LRBA: variants seen among roughly 807,000 people sequenced by gnomAD.
The protein encoded by LRBA is LPS responsive beige-like anchor protein, also known as lipopolysaccharide-responsive and beige-like anchor protein.
In LRBA, 176 loss-of-function variants were observed where a neutral mutation model predicts 330.0. The ratio of observed to expected loss-of-function variants is 0.53; its 90% confidence interval spans 0.47 to 0.60. The LOEUF is 0.60. LRBA is among the 20% of genes least tolerant of loss of function. The pLI is 0.00. For missense variants in LRBA, 3,259 were observed against 3,444.8 expected (o/e 0.95, Z 1.35); for synonymous variants, 1,230 against 1,193.0 (o/e 1.03, Z -0.64).
At chr4:150,779,618 T>C (rs1737885773) in intron 34 of LRBA, among the ~76,000 whole-genome samples, 1 of 152,120 alleles carries the variant, frequency 6.6e-6, no homozygotes, top group South Asian at 2.1e-4. Context: ...GTCTAGACAC[T>C]TTTTAACTCG....
chr4:150,907,637 G>A (rs1716121054), intron 11 of LRBA, among the ~76,000 whole-genome samples: 1 of 151,992 alleles, frequency 6.6e-6, no homozygotes, highest in Non-Finnish European at 1.5e-5. Flanking sequence ...GAATGTAAAA[G>A]TATTTAAATT....
At chr4:150,645,055 C>G (rs1778999411) in intron 37 of LRBA, among the ~76,000 whole-genome samples, 1 of 150,192 alleles carries the variant, frequency 6.7e-6, no homozygotes, top group Middle Eastern at 3.2e-3. Context: ...GCATTTTTCT[C>G]AGAAATACAA....
At chr4:150,488,789 T>G (rs1295684615) in intron 41 of LRBA, among the ~76,000 whole-genome samples, 2 of 149,696 alleles carry the variant, frequency 1.3e-5, no homozygotes, top group Non-Finnish European at 3.0e-5. Context: ...TCCTATAGTT[T>G]TTAAAACACT....
intron 35 of LRBA, among the ~76,000 whole-genome samples, chr4:150,743,144 A>G (rs972205760): frequency 2.0e-5 from 3 of 151,964 alleles, no homozygotes; most frequent in Admixed American, 1.3e-4. Flanking sequence ...TAATTTTTGT[A>G]TTTTTAGTAG....
intron 36 of LRBA, among the ~76,000 whole-genome samples, chr4:150,728,667 C>CA (rs145196870): frequency 0.076 from 10,320 of 135,964 alleles, 962 homozygotes; most frequent in African/African-American, 0.23. Flanking sequence ...TAAAAACCCT[C>CA]AAAAAAAAAA....
chr4:150,688,281 T>C (rs1466188739), intron 36 of LRBA, among the ~76,000 whole-genome samples: 1 of 152,202 alleles, frequency 6.6e-6, no homozygotes, highest in Non-Finnish European at 1.5e-5. Context: ...ACCCCTTCCT[T>C]ACACCTTATA....
intron 40 of LRBA, among the ~76,000 whole-genome samples, chr4:150,501,977 G>C (rs1042816511): frequency 2.6e-5 from 4 of 152,192 alleles, no homozygotes; most frequent in Non-Finnish European, 5.9e-5. Context: ...TAGTTAGAAC[G>C]TAATGGTCTC....
intron 26 of LRBA, among the ~76,000 whole-genome samples, chr4:150,846,255 C>T (rs974724899): frequency 1.3e-5 from 2 of 151,458 alleles, no homozygotes; most frequent in Admixed American, 6.6e-5. Flanking sequence ...CTCAGGCCAG[C>T]GGTGGGGGCT....
At chr4:150,404,475 G>A (rs1004755534) in intron 47 of LRBA, among the ~76,000 whole-genome samples, 1 of 152,110 alleles carries the variant, frequency 6.6e-6, no homozygotes, top group African/African-American at 2.4e-5. Flanking sequence ...AAAGGAGTAG[G>A]GTAGGCTCAT....
At chr4:150,319,956 C>T (rs1732258393) in intron 50 of LRBA, among the ~76,000 whole-genome samples, 1 of 152,156 alleles carries the variant, frequency 6.6e-6, no homozygotes, top group Non-Finnish European at 1.5e-5. Flanking sequence ...GATTTAATGA[C>T]AATTTCATGA....
At position 150,874,612 on chromosome 4, in the gene LRBA, G is replaced by A. The variant is rs761488013; in HGVS notation, c.2166-1857C>T. ...TTGGTGACCTGGAACCAGTCTGCATGTGTCATTGCTGGGTGCTCCAGCCTG... is the reference window on the plus strand; with the variant it reads ...TTGGTGACCTGGAACCAGTCTGCATATGTCATTGCTGGGTGCTCCAGCCTG... On this transcript the variant is annotated intron_variant, in intron 17 of 56. Coordinates refer to ENST00000651943, the MANE Select transcript of LRBA (RefSeq NM_001364905.1). 8.3e-4 allele frequency among the ~76,000 whole-genome samples: 127 copies of A among 152,214 alleles called. 1 individual carries two copies. Among genetic ancestry groups the A allele is most frequent in the Non-Finnish European group, 2.9e-4 (20 of 68,034 alleles).
intron 56 of LRBA, among the ~76,000 whole-genome samples, chr4:150,275,078 A>G (rs1259180693): frequency 1.3e-5 from 2 of 152,200 alleles, no homozygotes; most frequent in Non-Finnish European, 2.9e-5. Flanking sequence ...AAGCTTATCC[A>G]CCATGATCAA....
intron 38 of LRBA, among the ~76,000 whole-genome samples, chr4:150,596,821 A>G (rs920436083): frequency 6.6e-6 from 1 of 151,564 alleles, no homozygotes; most frequent in African/African-American, 2.4e-5. Flanking sequence ...ATCGAACAAT[A>G]CCATAATACA....
At chr4:150,348,879 T>C (rs145066145) in intron 48 of LRBA, among the ~76,000 whole-genome samples, 4 of 152,304 alleles carry the variant, frequency 2.6e-5, no homozygotes, top group Non-Finnish European at 4.4e-5. Context: ...TGGAATCCTA[T>C]GTATATTCTG....
intron 55 of LRBA, 101 bp downstream of exon 55, chr4:150,282,349 C>CA: frequency 9.5e-7 from 1 of 1,056,596 alleles, no homozygotes; most frequent in Non-Finnish European, 1.4e-6. Flanking sequence ...AGGCCCTCGG[C>CA]AATCCAAAAA....
At chr4:150,462,229 T>C (rs1233054474) in intron 44 of LRBA, among the ~76,000 whole-genome samples, 1 of 151,840 alleles carries the variant, frequency 6.6e-6, no homozygotes, top group East Asian at 1.9e-4. Context: ...AGACTACTGA[T>C]GAAATAACTG....
intron 37 of LRBA, among the ~76,000 whole-genome samples, chr4:150,629,216 T>A (rs1777141310): frequency 6.6e-6 from 1 of 152,220 alleles, no homozygotes; most frequent in Non-Finnish European, 1.5e-5. Flanking sequence ...AATGTCAATG[T>A]AATGGGTTAA....
At chr4:150,445,526 T>A (rs1752519161) in intron 44 of LRBA, among the ~76,000 whole-genome samples, 1 of 151,762 alleles carries the variant, frequency 6.6e-6, no homozygotes, top group East Asian at 1.9e-4. Context: ...TTCAATGATT[T>A]GCATGTGAAG....
In LRBA at chr4:150,265,725, G is replaced by A. The variant is rs771592653; in HGVS notation, c.8556C>T (p.Tyr2852=). Residue 2852 remains tyrosine (Y), a synonymous_variant, in exon 57 of 57, where the codon TAC becomes TAT. Transcript: ENST00000651943. The part of the protein sequence containing the change: ...NRWHHEYQTR[Y] ...AGTTGATGTACAGCTGTCACCATCAGTAGCGGGTTTGGTATTCATGATGCC... is the reference window on the plus strand; with the variant it reads ...AGTTGATGTACAGCTGTCACCATCAATAGCGGGTTTGGTATTCATGATGCC... 1.2e-6 allele frequency: 2 copies of A among 1,606,176 alleles called. No homozygotes were observed. Among genetic ancestry groups the A allele is most frequent in the South Asian group, 1.1e-5 (1 of 90,910 alleles).
Sources: gnomAD v4.1 joint callset for allele counts (sites outside exome capture counted in the v4.1 genomes callset) on GRCh38, gnomAD v4.1.1 for gene constraint, MANE v1.5 for transcripts, NCBI Gene and HGNC (gene_info 2026-07-23, HGNC 2026-07-21) for gene names.